Variants in NFAT5 observed in about 807,000 individuals in gnomAD.
NFAT5 encodes nuclear factor of activated T cells 5.
Under a neutral mutation model 166.5 loss-of-function variants are expected in NFAT5, and 31 were observed. The observed-to-expected ratio is 0.19, with a 90% CI of 0.14 to 0.25. The LOEUF (loss-of-function observed/expected upper bound fraction) is 0.25. Ranked by LOEUF, NFAT5 falls within the 10% of genes least tolerant of loss-of-function variation. The pLI is 1.00. For synonymous variants in NFAT5, 612 were observed against 639.7 expected, an observed-to-expected ratio of 0.96 and a Z score of 0.65; for missense variants, 1,449 against 1,821.8, an observed-to-expected ratio of 0.80 and a Z score of 3.72.
At chr16:69,583,973 C>T (rs536189557) in intron 2 of NFAT5, among the ~76,000 whole-genome samples, 1 of 152,220 alleles carries the variant, frequency 6.6e-6, no homozygotes, top group Admixed American at 6.5e-5. Context: ...ACCTGTAATC[C>T]TAGCACTTTG....
At chr16:69,636,253 C>T (rs995132702) in intron 3 of NFAT5, among the ~76,000 whole-genome samples, 3 of 152,128 alleles carry the variant, frequency 2.0e-5, no homozygotes, top group African/African-American at 4.8e-5. Flanking sequence ...CAGCTCTGCA[C>T]CTGTGGCTTT....
In NFAT5 at chr16:69,656,046, T is replaced by TCC. The variant is rs141005820; in HGVS notation, c.1196+247_1196+248insCC. Among the ~76,000 whole-genome samples, 81 of 152,230 alleles carry TCC rather than the reference T, an allele frequency of 5.3e-4. No individual in the cohort carries two copies. The East Asian group carries it at 7.9e-3, about 15-fold the overall frequency. ...CTATAATCCCAGTGCTTTTGGAGTCTGAGGCTGGTGGATCACCTGAGGTCA... is the reference window on the plus strand; with the variant it reads ...CTATAATCCCAGTGCTTTTGGAGTCTCCGAGGCTGGTGGATCACCTGAGGTCA... On this transcript the variant is annotated intron_variant, in intron 6 of 14. Coordinates refer to ENST00000349945, the MANE Select transcript of NFAT5 (RefSeq NM_138713.4).
intron 3 of NFAT5, among the ~76,000 whole-genome samples, chr16:69,626,866 T>G (rs966376201): frequency 1.3e-5 from 2 of 152,144 alleles, no homozygotes; most frequent in Non-Finnish European, 2.9e-5. Flanking sequence ...AGTTTCTGTT[T>G]AATAATTAAT....
At chr16:69,691,136 TCTTTTA>T in intron 12 of NFAT5, 48 bp downstream of exon 12, 1 of 1,419,414 alleles carries the variant, frequency 7.0e-7, no homozygotes, top group African/African-American at 1.5e-5. Flanking sequence ...AAAATTGCTG[TCTTTTA>T]CTTTTCCTAT....
intron 2 of NFAT5, among the ~76,000 whole-genome samples, chr16:69,625,048 C>T (rs963819072): frequency 2.0e-5 from 3 of 151,920 alleles, no homozygotes; most frequent in African/African-American, 7.3e-5. Context: ...TACAGGTGCC[C>T]GTCACCATGC....
intron 2 of NFAT5, among the ~76,000 whole-genome samples, chr16:69,591,001 G>A (rs1034269735): frequency 6.6e-6 from 1 of 152,008 alleles, no homozygotes; most frequent in Admixed American, 6.6e-5. Flanking sequence ...GCGTAATCTC[G>A]GCTCACTGCA....
intron 3 of NFAT5, among the ~76,000 whole-genome samples, chr16:69,641,488 A>G (rs1375305124): frequency 6.6e-6 from 1 of 152,086 alleles, no homozygotes; most frequent in Non-Finnish European, 1.5e-5. Flanking sequence ...TACATATTCA[A>G]ATGTTAGGGA....
intron 2 of NFAT5, among the ~76,000 whole-genome samples, chr16:69,610,902 A>G (rs1348445733): frequency 1.3e-5 from 2 of 151,654 alleles, no homozygotes; most frequent in African/African-American, 4.8e-5. Flanking sequence ...TACAGTTTTG[A>G]TTGGCTATTT....
chr16:69,610,465 T>C (rs1189187493), intron 2 of NFAT5, among the ~76,000 whole-genome samples: 1 of 152,220 alleles, frequency 6.6e-6, no homozygotes, highest in Non-Finnish European at 1.5e-5. Flanking sequence ...CATTCATTTG[T>C]TTATTTATTA....
chr16:69,628,807 C>T (rs1219340121), intron 3 of NFAT5, among the ~76,000 whole-genome samples: 2 of 152,140 alleles, frequency 1.3e-5, no homozygotes, highest in Admixed American at 1.3e-4. Flanking sequence ...ATGGGCCAGG[C>T]ATGGTGGCTC....
In NFAT5 at chr16:69,644,861, G is replaced by A. The variant is rs909935763; in HGVS notation, c.254-2167G>A. The A allele has an allele frequency of 3.1e-5, 14 of 454,024 alleles. No homozygotes were observed. The Admixed American group carries it at 3.3e-4, about 11-fold the overall frequency. 28.1% of individuals were successfully genotyped at this position (454,024 alleles called of 1,614,324 possible). A position where few individuals can be genotyped will look rare whatever the true frequency, so the allele number is the denominator to read the frequency against. On this transcript the variant is annotated intron_variant, in intron 3 of 14. Coordinates refer to ENST00000349945, the MANE Select transcript of NFAT5 (RefSeq NM_138713.4). ...TGATCCTTAGATTTAAAAAGGGTGA[G>A]TGGGAGAAAGTTGCTTTATAGAAAT...
In NFAT5 at chr16:69,694,239, A is replaced by T; in HGVS notation, c.4414A>T (p.Asn1472Tyr). The stretch of plus-strand genomic sequence containing the variant: ...AATGTTCTTATTTGGCATTCAAAAT[A>T]GTAAGAAACTCTAATTTTTCATTAC... ...SGMFLFGIQN[N>Y]CSQLLTSGPA... Residue 1472 changes from asparagine (N) to tyrosine (Y), a missense_variant and splice_region_variant, in exon 13 of 15, where the codon AAC becomes TAC. Asn to Tyr is a moderately radical substitution (Grantham distance 143, BLOSUM62 -2). This residue lies in a region of NFAT5 where 891 missense variants were observed against 993.0 expected (regional missense o/e 0.90). Coordinates refer to ENST00000349945, the MANE Select transcript of NFAT5 (RefSeq NM_138713.4). The T allele has an allele frequency of 6.3e-7, 1 of 1,595,638 alleles. No homozygotes were observed. Among genetic ancestry groups the T allele is most frequent in the Non-Finnish European group, 8.5e-7 (1 of 1,171,814 alleles).
intron 13 of NFAT5, 90 bp from the exon 14 acceptor site, chr16:69,695,046 A>C: frequency 1.1e-6 from 1 of 930,628 alleles, no homozygotes; most frequent in Non-Finnish European, 1.6e-6. Context: ...ATATCTTTTC[A>C]TGAATCTTTA....
At chr16:69,602,765 C>G (rs2033201084) in intron 2 of NFAT5, among the ~76,000 whole-genome samples, 1 of 151,036 alleles carries the variant, frequency 6.6e-6, no homozygotes, top group Non-Finnish European at 1.5e-5. Context: ...ACACCATGCT[C>G]AGCTAATTTT....
chr16:69,682,555 G>C (rs2037114782), intron 10 of NFAT5, among the ~76,000 whole-genome samples: 2 of 151,914 alleles, frequency 1.3e-5, no homozygotes, highest in Non-Finnish European at 2.9e-5. Context: ...AGAGATTGAG[G>C]CTCCAGTAAG....
At chr16:69,598,884 C>T (rs989227450) in intron 2 of NFAT5, among the ~76,000 whole-genome samples, 4 of 151,624 alleles carry the variant, frequency 2.6e-5, no homozygotes, top group African/African-American at 7.3e-5. Context: ...CGCGATGGTG[C>T]GTGCCTGTAA....
rs2016083649 is a variant in NFAT5, at chr16:69,566,862, C to A, written c.73+488C>A. Among the ~76,000 whole-genome samples, 1 of 152,164 alleles carries A rather than the reference C, an allele frequency of 6.6e-6. No homozygotes were observed. Among genetic ancestry groups the A allele is most frequent in the East Asian group, 1.9e-4 (1 of 5,180 alleles). On this transcript the variant is annotated intron_variant, in intron 1 of 14. Coordinates refer to ENST00000349945, the MANE Select transcript of NFAT5 (RefSeq NM_138713.4). This position sits in a 1 kb window ranked among gnomAD's most constrained non-coding sequence, Gnocchi z 5.7. ...CTGAGTGCAGGGTCACCATTTTCCT[C>A]CCTTTCCAGCTTGTTTTTGCGCCGT...
Position 69,695,338 on chromosome 16 carries a change from A to C in NFAT5, c.4617A>C (p.Gln1539His). 2 of 1,614,162 alleles carry C rather than the reference A, an allele frequency of 1.2e-6. No individual in the cohort carries two copies. Among genetic ancestry groups the C allele is most frequent in the East Asian group, 4.5e-5 (2 of 44,886 alleles). Residue 1539 changes from glutamine to histidine, a missense_variant, in exon 14 of 15, where the codon CAA becomes CAC. Transcript: ENST00000349945. ...AGATTGATTTGCTTGTTTCATTGCA[A>C]AACCAAGGGAACAACTTGACTGGCT... is the stretch of plus-strand genomic sequence containing the variant. ...IEKIDLLVSL[Q>H]NQGNNLTGSF
intron 3 of NFAT5, among the ~76,000 whole-genome samples, chr16:69,640,995 A>T (rs899211144): frequency 2.7e-5 from 4 of 150,672 alleles, no homozygotes; most frequent in Non-Finnish European, 4.4e-5. Flanking sequence ...AGAAAAAAAA[A>T]AAGGCCGGGC....
Sources: gnomAD v4.1 joint callset for allele counts (sites outside exome capture counted in the v4.1 genomes callset) on GRCh38, gnomAD v4.1.1 for gene constraint, gnomAD v4.1.1 regional missense constraint, Gnocchi (gnomAD v3.1) non-coding constraint, MANE v1.5 for transcripts, NCBI Gene and HGNC (gene_info 2026-07-23, HGNC 2026-07-21) for gene names.